DBX2: variants seen among roughly 807,000 people sequenced by gnomAD.
DBX2 encodes the protein homeobox protein DBX2.
Under a neutral mutation model 17.7 loss-of-function variants are expected in DBX2, and 16 were observed. That is an observed-to-expected ratio of 0.90 (90% CI 0.61 to 1.37). The LOEUF is 1.37. Ranked by LOEUF, DBX2 falls within the 40% of genes most tolerant of loss-of-function variation. The pLI, the probability that DBX2 is intolerant of heterozygous loss-of-function variation, is 0.00. For missense variants in DBX2, 538 were observed against 433.8 expected, an observed-to-expected ratio of 1.24 and a Z score of -2.13; for synonymous variants, 255 against 183.8, an observed-to-expected ratio of 1.39 and a Z score of -3.13.
At chr12:45,032,152 T>A (rs1169886354) in intron 2 of DBX2, among the ~76,000 whole-genome samples, 2 of 152,172 alleles carry the variant, frequency 1.3e-5, no homozygotes, top group Non-Finnish European at 2.9e-5. Context: ...TCTTTGAGTC[T>A]CTGACTCCTT....
At position 45,016,096 on chromosome 12, in the gene DBX2, C is replaced by T; in HGVS notation, c.*190G>A. ...TCATACTTGCTGGGAGATTCTATTC[C>T]ACTTACAAATTAAGCCTGAGTCTAG... On this transcript the variant is annotated 3_prime_UTR_variant, in exon 4 of 4. Transcript: ENST00000332700. 1 of 507,668 alleles carries T rather than the reference C, an allele frequency of 2.0e-6. No individual in the cohort carries two copies. Among genetic ancestry groups the T allele is most frequent in the Non-Finnish European group, 3.3e-6 (1 of 306,990 alleles). The allele number at this position is 507,668 out of a possible 1,614,324, so 31.4% of individuals were successfully genotyped here. A position where few individuals can be genotyped will look rare whatever the true frequency, so the allele number is the denominator to read the frequency against.
chr12:45,028,404 C>CT lies in DBX2; in HGVS notation c.500-4511dup, dbSNP rs111532630. 5.9e-5 allele frequency among the ~76,000 whole-genome samples: 9 copies of CT among 151,836 alleles called. No homozygotes were observed. The East Asian group carries it at 1.4e-3, about 23-fold the overall frequency. The stretch of plus-strand genomic sequence containing the variant: ...TATGGTAACAGAAAAAATATGTACC[C>CT]TTTTTTTTCTAAGTAGAATTTGTAT... On this transcript the variant is annotated intron_variant, in intron 2 of 3. Transcript: ENST00000332700.
intron 2 of DBX2, among the ~76,000 whole-genome samples, chr12:45,027,513 T>C (rs1437255152): frequency 1.3e-5 from 2 of 152,156 alleles, no homozygotes; most frequent in African/African-American, 2.4e-5. Context: ...GGTAAAGAAA[T>C]GCATATGTAA....
In DBX2 at chr12:45,050,580, C is replaced by A; in HGVS notation, c.348G>T (p.Arg116Ser). The A allele has an allele frequency of 6.4e-7, 1 of 1,552,162 alleles. No homozygotes were observed. Among genetic ancestry groups the A allele is most frequent in the Non-Finnish European group, 8.7e-7 (1 of 1,148,448 alleles). Reference sequence around the variant, plus strand: ...GGTCCCCCGGAGCCCGGCCCGGCAGCCTCGCACTGTCCGCAGAGGGACTGA... The same window carrying A: ...GGTCCCCCGGAGCCCGGCCCGGCAGACTCGCACTGTCCGCAGAGGGACTGA... Reference protein sequence around the residue: ...QVLSPSADSARLPGRAPGDRD... With the variant: ...QVLSPSADSASLPGRAPGDRD... Residue 116 changes from arginine to serine, a missense_variant, in exon 1 of 4, where the codon AGG (arginine) becomes AGT (serine). Coordinates refer to ENST00000332700, the MANE Select transcript of DBX2 (RefSeq NM_001004329.3).
chr12:45,036,083 C>G lies in DBX2; in HGVS notation c.435G>C (p.Pro145=). The change falls in exon 2 of 4, where the codon CCG becomes CCC. Residue 145 remains proline, a synonymous_variant. Transcript: ENST00000332700. Reference sequence around the variant, plus strand: ...CACCGCAGCACGCCGAGTAGAATGGCGGGGTGCTCAGAAGGAAAGGTTTGG... The same window carrying G: ...CACCGCAGCACGCCGAGTAGAATGGGGGGGTGCTCAGAAGGAAAGGTTTGG... ...APSKPFLLST[P]PFYSACCGGS... 1 of 1,613,394 alleles carries G rather than the reference C, an allele frequency of 6.2e-7. No homozygotes were observed. Among genetic ancestry groups the G allele is most frequent in the Non-Finnish European group, 8.5e-7 (1 of 1,179,746 alleles).
intron 1 of DBX2, among the ~76,000 whole-genome samples, chr12:45,044,184 A>C (rs1201440567): frequency 6.6e-6 from 1 of 152,224 alleles, no homozygotes; most frequent in Non-Finnish European, 1.5e-5. Flanking sequence ...GAAAATATGT[A>C]AACAAATAGG....
chr12:45,050,196 G>A (rs1442063768), intron 1 of DBX2, among the ~76,000 whole-genome samples: 1 of 152,190 alleles, frequency 6.6e-6, no homozygotes, highest in African/African-American at 2.4e-5. Context: ...AACCCCTTGA[G>A]ACTGATCCAG....
intron 3 of DBX2, among the ~76,000 whole-genome samples, chr12:45,019,903 T>C (rs1946342557): frequency 6.6e-6 from 1 of 152,152 alleles, no homozygotes; most frequent in Non-Finnish European, 1.5e-5. Flanking sequence ...ATGGTAGTAC[T>C]ACACAGCAAG....
At chr12:45,030,286 C>A (rs113485676) in intron 2 of DBX2, among the ~76,000 whole-genome samples, 19 of 152,292 alleles carry the variant, frequency 1.2e-4, no homozygotes, top group Admixed American at 2.0e-4. Flanking sequence ...AAACATCAGA[C>A]CAAGAGCAAA....
chr12:45,050,966 G>A lies in DBX2; in HGVS notation c.-39C>T. On this transcript the variant is annotated 5_prime_UTR_variant, in exon 1 of 4. Transcript: ENST00000332700. ...CCGGTCTGCTGCGCGCCCGCCTTGC[G>A]CCCGCCTGTCGCCCGGGCGCCCCGC... 7.3e-7 allele frequency: 1 copy of A among 1,376,128 alleles called. No homozygotes were observed. The highest frequency in any genetic ancestry group is 3.1e-5 in the East Asian group (1 of 32,020). The allele number at this position is 1,376,128 out of a possible 1,614,324, so 85.2% of individuals were successfully genotyped here.
chr12:45,028,387 C>T (rs2643137), intron 2 of DBX2, among the ~76,000 whole-genome samples: 56,063 of 151,380 alleles, frequency 0.37, 10,759 homozygotes, highest in Non-Finnish European at 0.42. Flanking sequence ...TTTATGGTAA[C>T]AGAAAAAATA....
At chr12:45,033,375 T>G (rs991732901) in intron 2 of DBX2, among the ~76,000 whole-genome samples, 6 of 152,180 alleles carry the variant, frequency 3.9e-5, no homozygotes, top group African/African-American at 1.4e-4. Flanking sequence ...TTAATGCAAG[T>G]TTATTTGGAC....
rs1234589278 is a variant in DBX2 at position 45,016,420 on chromosome 12, GA to G, written c.885del (p.Pro296GlnfsTer7). 5 of 1,613,896 alleles carry G rather than the reference GA, an allele frequency of 3.1e-6. No homozygotes were observed. Among genetic ancestry groups the G allele is most frequent in the Non-Finnish European group, 4.2e-6 (5 of 1,179,972 alleles). ...TGGATTAGTCTTTCTGAAGGTTCTG[GA>G]GAATTCTCCCTCCATCTTGGACTTG... ...QHSSPRWREN[S>X]PEPSERLIQE... On this transcript the variant is annotated frameshift_variant, in exon 4 of 4. Coordinates refer to ENST00000332700, the MANE Select transcript of DBX2 (RefSeq NM_001004329.3). LOFTEE classifies it low-confidence loss of function (END_TRUNC).
In DBX2 at chr12:45,050,969, C is replaced by A. The variant is rs1027007508; in HGVS notation, c.-42G>T. Reference sequence around the variant, plus strand: ...GTCTGCTGCGCGCCCGCCTTGCGCCCGCCTGTCGCCCGGGCGCCCCGCACC... The same window carrying A: ...GTCTGCTGCGCGCCCGCCTTGCGCCAGCCTGTCGCCCGGGCGCCCCGCACC... On this transcript the variant is annotated 5_prime_UTR_variant, in exon 1 of 4. Transcript: ENST00000332700. 4 of 1,367,418 alleles carry A rather than the reference C, an allele frequency of 2.9e-6. No homozygotes were observed. The highest frequency in any genetic ancestry group is 7.8e-5 in the Admixed American group (2 of 25,696). The allele number at this position is 1,367,418 out of a possible 1,614,324, so 84.7% of individuals were successfully genotyped here.
At chr12:45,038,603 T>C (rs994121617) in intron 1 of DBX2, among the ~76,000 whole-genome samples, 4 of 150,966 alleles carry the variant, frequency 2.6e-5, no homozygotes, top group African/African-American at 9.8e-5. Context: ...ATCCCAACCC[T>C]AGGGCCCTAA....
chr12:45,034,137 C>T (rs1033332305), intron 2 of DBX2, among the ~76,000 whole-genome samples: 4 of 151,552 alleles, frequency 2.6e-5, no homozygotes, highest in Non-Finnish European at 5.9e-5. Context: ...CCCACACACA[C>T]ACACACGCAC....
chr12:45,050,751 G>C lies in DBX2; in HGVS notation c.177C>G (p.Pro59=), dbSNP rs1946527762. The C allele has an allele frequency of 1.3e-6, 2 of 1,500,924 alleles. No homozygotes were observed. Among genetic ancestry groups the C allele is most frequent in the South Asian group, 2.5e-5 (2 of 78,720 alleles). The allele number at this position is 1,500,924 out of a possible 1,614,324, so 93.0% of individuals were successfully genotyped here. The change falls in exon 1 of 4, where the codon CCC becomes CCG. Residue 59 remains proline, a synonymous_variant. Transcript: ENST00000332700. ...APTPRLQPPA[P]HDPATALATA... ...TGGCCAGGGCGGTCGCCGGGTCGTG[G>C]GGCGCGGGCGGCTGCAGCCTGGGCG...
At chr12:45,030,002 C>T (rs1156773297) in intron 2 of DBX2, among the ~76,000 whole-genome samples, 1 of 152,108 alleles carries the variant, frequency 6.6e-6, no homozygotes, top group Non-Finnish European at 1.5e-5. Flanking sequence ...TCCTGACATG[C>T]TCCCTAATTG....
chr12:45,021,342 A>G (rs1323958599), intron 3 of DBX2, among the ~76,000 whole-genome samples: 1 of 152,210 alleles, frequency 6.6e-6, no homozygotes, highest in Non-Finnish European at 1.5e-5. Context: ...TGGCAAACAA[A>G]TAGGAAAATA....
Sources: allele counts gnomAD v4.1 joint callset (sites outside exome capture counted in the v4.1 genomes callset), GRCh38; gene constraint gnomAD v4.1.1; transcripts MANE v1.5; gene names NCBI Gene and HGNC (gene_info 2026-07-23, HGNC 2026-07-21).